MCTP1: variants seen among roughly 807,000 people sequenced by gnomAD.
MCTP1 encodes the protein multiple C2 and transmembrane domain-containing protein 1.
In MCTP1, 69 loss-of-function variants were observed where a neutral mutation model predicts 120.6. The observed-to-expected ratio is 0.57, with a 90% CI of 0.47 to 0.70. The LOEUF (loss-of-function observed/expected upper bound fraction) is 0.70, where lower values mean the gene tolerates loss of function less well. MCTP1 is among the 30% of genes least tolerant of loss of function. MCTP1 has a pLI of 0.00. For synonymous variants in MCTP1, 529 were observed against 493.1 expected, an observed-to-expected ratio of 1.07 and a Z score of -0.96; for missense variants, 1,203 against 1,248.8, an observed-to-expected ratio of 0.96 and a Z score of 0.55.
At chr5:94,778,020 A>T (rs900521365) in intron 19 of MCTP1, among the ~76,000 whole-genome samples, 3 of 151,590 alleles carry the variant, frequency 2.0e-5, no homozygotes, top group African/African-American at 7.3e-5. Flanking sequence ...TAATCACTGA[A>T]TTTTTTGACA....
intron 5 of MCTP1, among the ~76,000 whole-genome samples, chr5:94,937,136 T>C (rs1463977365): frequency 6.6e-6 from 1 of 152,024 alleles, no homozygotes; most frequent in East Asian, 1.9e-4. Flanking sequence ...CTTGCTTCTC[T>C]GATGAAGAAA....
At chr5:95,062,992 A>T (rs1055288557) in intron 1 of MCTP1, among the ~76,000 whole-genome samples, 6 of 151,530 alleles carry the variant, frequency 4.0e-5, no homozygotes, top group African/African-American at 1.5e-4. Flanking sequence ...CTAATTTTTT[A>T]TTTTTTGTAG....
At chr5:95,279,623 C>G (rs1185036115) in intron 1 of MCTP1, among the ~76,000 whole-genome samples, 1 of 152,186 alleles carries the variant, frequency 6.6e-6, no homozygotes, top group South Asian at 2.1e-4. Context: ...TGAACACTTG[C>G]TATAGTTTAA....
intron 19 of MCTP1, among the ~76,000 whole-genome samples, chr5:94,757,200 T>G (rs1770111814): frequency 6.6e-6 from 1 of 152,112 alleles, no homozygotes; most frequent in South Asian, 2.1e-4. Flanking sequence ...TACAACTGAG[T>G]ATTACTCTGT....
intron 2 of MCTP1, among the ~76,000 whole-genome samples, chr5:94,971,181 G>A (rs914720632): frequency 1.3e-5 from 2 of 151,950 alleles, no homozygotes; most frequent in South Asian, 4.1e-4. Context: ...TTCTCTGAGG[G>A]TCTCTGATAA....
intron 1 of MCTP1, among the ~76,000 whole-genome samples, chr5:95,036,661 C>G (rs1276326527): frequency 6.6e-6 from 1 of 152,152 alleles, no homozygotes; most frequent in East Asian, 1.9e-4. Flanking sequence ...TATCACATAT[C>G]AACTTTTTAA....
intron 19 of MCTP1, among the ~76,000 whole-genome samples, chr5:94,725,778 TGAG>T (rs1279034318): frequency 2.0e-5 from 3 of 152,198 alleles, no homozygotes; most frequent in African/African-American, 7.2e-5. Context: ...ATCTGTAAAA[TGAG>T]GATAATAATT....
intron 2 of MCTP1, among the ~76,000 whole-genome samples, chr5:94,956,217 C>G (rs1359862280): frequency 6.6e-6 from 1 of 152,134 alleles, no homozygotes; most frequent in Non-Finnish European, 1.5e-5. Context: ...GAATAGCCAT[C>G]AACATCAACA....
chr5:95,150,426 T>A (rs796465111), intron 1 of MCTP1, among the ~76,000 whole-genome samples: 8 of 152,326 alleles, frequency 5.3e-5, no homozygotes, highest in African/African-American at 1.9e-4. Context: ...TTAAATTTTA[T>A]AGTATGGTAT....
At chr5:95,051,909 G>C (rs1440569962) in intron 1 of MCTP1, among the ~76,000 whole-genome samples, 1 of 152,008 alleles carries the variant, frequency 6.6e-6, no homozygotes, top group East Asian at 1.9e-4. Context: ...GGAAGGAAAG[G>C]ATGGAAAAAC....
At chr5:95,023,249 A>G (rs1162917803) in intron 1 of MCTP1, among the ~76,000 whole-genome samples, 1 of 152,224 alleles carries the variant, frequency 6.6e-6, no homozygotes, top group East Asian at 1.9e-4. Flanking sequence ...CTTAGATTTC[A>G]GCAATGAGCA....
chr5:95,232,291 A>T (rs1452088511), intron 1 of MCTP1, among the ~76,000 whole-genome samples: 1 of 151,942 alleles, frequency 6.6e-6, no homozygotes, highest in Non-Finnish European at 1.5e-5. Context: ...CAGGACTAAC[A>T]TAATAAAACA....
intron 1 of MCTP1, among the ~76,000 whole-genome samples, chr5:95,230,970 C>T (rs1221571850): frequency 2.0e-5 from 3 of 152,066 alleles, no homozygotes; most frequent in Non-Finnish European, 4.4e-5. Context: ...ACATTTCAAA[C>T]AGTTCATGGA....
At chr5:95,163,377 T>G (rs1745963934) in intron 1 of MCTP1, among the ~76,000 whole-genome samples, 2 of 152,226 alleles carry the variant, frequency 1.3e-5, no homozygotes, top group African/African-American at 4.8e-5. Context: ...CATGTATTGA[T>G]GTTTCCTGGT....
chr5:94,835,887 C>A (rs1019259271), intron 17 of MCTP1, among the ~76,000 whole-genome samples: 1 of 151,986 alleles, frequency 6.6e-6, no homozygotes, highest in Non-Finnish European at 1.5e-5. Flanking sequence ...GCCTGTAGTC[C>A]CAGCTACTCG....
At chr5:95,137,200 G>C (rs1031857030) in intron 1 of MCTP1, among the ~76,000 whole-genome samples, 1 of 152,172 alleles carries the variant, frequency 6.6e-6, no homozygotes, top group Non-Finnish European at 1.5e-5. Context: ...CCTCACTAGA[G>C]GAGGCAGGAA....
Position 94,799,148 on chromosome 5 carries a change from G to T in MCTP1, c.2437-16C>A. The stretch of plus-strand genomic sequence containing the variant: ...AGAGAAAGAGCTGGAGGAGATAGAA[G>T]AGAGAAGAAGGGATGAGTCAACACT... On this transcript the variant is annotated splice_polypyrimidine_tract_variant and intron_variant, in intron 17 of 22. Transcript: ENST00000515393. 6.2e-7 allele frequency: 1 copy of T among 1,607,770 alleles called. No individual in the cohort carries two copies. Among genetic ancestry groups the T allele is most frequent in the South Asian group, 1.1e-5 (1 of 90,320 alleles).
intron 1 of MCTP1, among the ~76,000 whole-genome samples, chr5:95,210,311 G>A (rs1219933251): frequency 3.3e-5 from 5 of 151,678 alleles, no homozygotes. Flanking sequence ...GGGAGTCTAA[G>A]TCTCTTTGTA....
At chr5:95,048,705 A>C (rs1745169771) in intron 1 of MCTP1, among the ~76,000 whole-genome samples, 1 of 152,194 alleles carries the variant, frequency 6.6e-6, no homozygotes, top group Admixed American at 6.5e-5. Flanking sequence ...GGAAGACTCG[A>C]TTCTGAGTTT....
Sources: gnomAD v4.1 joint callset for allele counts (sites outside exome capture counted in the v4.1 genomes callset) on GRCh38, gnomAD v4.1.1 for gene constraint, MANE v1.5 for transcripts, NCBI Gene and HGNC (gene_info 2026-07-23, HGNC 2026-07-21) for gene names.